DGKG: variants seen among roughly 807,000 people sequenced by gnomAD.
The protein encoded by DGKG is diacylglycerol kinase gamma, also known as DAG kinase gamma.
DGKG carries 78 observed loss-of-function variants against 105.3 expected under a neutral mutation model. The ratio of observed to expected loss-of-function variants is 0.74; its 90% CI spans 0.62 to 0.89. DGKG has a LOEUF of 0.89. Ranked by LOEUF, DGKG falls within the 40% of genes least tolerant of loss-of-function variation. DGKG has a pLI of 0.00. For synonymous variants in DGKG, 346 were observed against 367.1 expected (o/e 0.94, Z 0.66); for missense variants, 958 against 1,020.1 (o/e 0.94, Z 0.83).
chr3:186,260,702 T>G lies in DGKG; in HGVS notation c.1350-189A>C, dbSNP rs531035782. Among the ~76,000 whole-genome samples, 4 of 152,286 alleles carry G rather than the reference T, an allele frequency of 2.6e-5. No homozygotes were observed. In the South Asian group the frequency reaches 8.3e-4, roughly 32 times the overall value. ...AGGTTCCACCTGGCATCACCCGTGT[T>G]ATCACTCCCGGTTCAAGGCTGAACT... On this transcript the variant is annotated intron_variant, in intron 15 of 24. Transcript: ENST00000265022.
At chr3:186,316,722 C>T (rs573609446) in intron 2 of DGKG, among the ~76,000 whole-genome samples, 3 of 152,170 alleles carry the variant, frequency 2.0e-5, no homozygotes, top group African/African-American at 4.8e-5. Context: ...GCCAACTTTA[C>T]ACTATATAAA....
At chr3:186,297,348 AG>A in intron 5 of DGKG, 72 bp downstream of exon 5, 1 of 1,146,612 alleles carries the variant, frequency 8.7e-7, no homozygotes, top group Non-Finnish European at 1.3e-6. Flanking sequence ...ACTGTTGGTT[AG>A]GTTTCCCCAC....
intron 2 of DGKG, among the ~76,000 whole-genome samples, chr3:186,316,062 T>C (rs1724803233): frequency 6.6e-6 from 1 of 152,238 alleles, no homozygotes; most frequent in Non-Finnish European, 1.5e-5. Context: ...AGAAAGAGGT[T>C]CCATGAAGGA....
chr3:186,351,049 G>A (rs1269566399), intron 1 of DGKG, among the ~76,000 whole-genome samples: 3 of 152,124 alleles, frequency 2.0e-5, no homozygotes, highest in African/African-American at 7.2e-5. Flanking sequence ...TGCAGTCTCT[G>A]ATGCTTTACC....
At chr3:186,206,640 A>G (rs1560094872) in intron 21 of DGKG, among the ~76,000 whole-genome samples, 1 of 152,120 alleles carries the variant, frequency 6.6e-6, no homozygotes, top group Non-Finnish European at 1.5e-5. Flanking sequence ...AATGAATATT[A>G]AGAGCCTCTG....
intron 19 of DGKG, 139 bp from the exon 20 acceptor site, chr3:186,242,707 C>G (rs745986075): frequency 3.8e-5 from 25 of 653,366 alleles, no homozygotes; most frequent in Non-Finnish European, 5.9e-5. Context: ...CTCCAGGTCA[C>G]ATCCGCGGAG....
chr3:186,259,721 G>A (rs571793436), intron 16 of DGKG, among the ~76,000 whole-genome samples: 1 of 151,976 alleles, frequency 6.6e-6, no homozygotes, highest in South Asian at 2.1e-4. Context: ...GAGGGCTCTC[G>A]AGCACCGGCC....
intron 21 of DGKG, among the ~76,000 whole-genome samples, chr3:186,206,819 C>T (rs1376765809): frequency 6.6e-6 from 1 of 151,966 alleles, no homozygotes; most frequent in Admixed American, 6.6e-5. Flanking sequence ...GCCTGGTCTC[C>T]ACTCACTGCA....
rs1715694031 is a variant in DGKG at position 186,150,249 on chromosome 3, G to C, written c.2278-61C>G. 1.4e-5 allele frequency: 21 copies of C among 1,548,410 alleles called. 1 individual carries two copies. In the South Asian group the frequency reaches 2.5e-4, roughly 18 times the overall value. On this transcript the variant is annotated intron_variant, in intron 24 of 24. Transcript: ENST00000265022. ...GCAAATCTCAGTAGCCTAAGGGAGAGTGAGTCGCAGAGAAAGGAAAGGCCA... is the reference window on the plus strand; with the variant it reads ...GCAAATCTCAGTAGCCTAAGGGAGACTGAGTCGCAGAGAAAGGAAAGGCCA...
intron 20 of DGKG, among the ~76,000 whole-genome samples, chr3:186,237,084 G>C (rs1024174369): frequency 6.6e-6 from 1 of 152,164 alleles, no homozygotes; most frequent in African/African-American, 2.4e-5. Flanking sequence ...CGGGATTCTT[G>C]GCTCCTCTGC....
rs560203787 is a variant in DGKG at position 186,263,424 on chromosome 3, G to A, written c.1270-1646C>T. ...TCTACTAAAAATACAAAAATTAGCC[G>A]GGTGTAGTGGCGCATGCCTGTAATC... On this transcript the variant is annotated intron_variant, in intron 14 of 24. Transcript: ENST00000265022. Among the ~76,000 whole-genome samples the A allele has an allele frequency of 1.2e-4, 18 of 151,924 alleles. No homozygotes were observed. The South Asian group carries it at 2.5e-3, about 21-fold the overall frequency.
intron 20 of DGKG, among the ~76,000 whole-genome samples, chr3:186,229,959 G>T (rs1187927953): frequency 6.6e-6 from 1 of 152,144 alleles, no homozygotes; most frequent in African/African-American, 2.4e-5. Context: ...GACAGAATGT[G>T]TCAAAAACAC....
Position 186,210,383 on chromosome 3 carries a change from C to T in DGKG, c.1917+1412G>A, listed in dbSNP as rs1289378371. ...CTCAGCTCCCAGCACTGCGTTCACA[C>T]GTCAAGAGAGGAGGACCGGCTTCTC... is the stretch of plus-strand genomic sequence containing the variant. On this transcript the variant is annotated intron_variant, in intron 21 of 24. Transcript: ENST00000265022. The surrounding 1 kb of genome is among the most constrained non-coding windows in gnomAD (Gnocchi z 5.2). Among the ~76,000 whole-genome samples the T allele has an allele frequency of 6.6e-6, 1 of 152,240 alleles. No individual in the cohort carries two copies. The highest frequency in any genetic ancestry group is 2.4e-5 in the African/African-American group (1 of 41,462).
intron 1 of DGKG, among the ~76,000 whole-genome samples, chr3:186,326,347 C>G (rs1232431456): frequency 6.6e-6 from 1 of 151,288 alleles, no homozygotes; most frequent in African/African-American, 2.4e-5. Context: ...TGCAGCGAGC[C>G]GAGATCCTGC....
rs1208396366 is a variant in DGKG at position 186,149,803 on chromosome 3, T to C, written c.*287A>G. ...CTCAGAAAATTCTGCTCAAGGCCTG[T>C]GGGAATGTGGAGGTTGCTGCCTAAG... On this transcript the variant is annotated 3_prime_UTR_variant, in exon 25 of 25. Coordinates refer to ENST00000265022, the MANE Select transcript of DGKG (RefSeq NM_001346.3). 1.8e-6 allele frequency: 2 copies of C among 1,139,626 alleles called. No individual in the cohort carries two copies. Among genetic ancestry groups the C allele is most frequent in the Non-Finnish European group, 2.2e-6 (2 of 927,136 alleles). The allele number at this position is 1,139,626 out of a possible 1,614,324, so 70.6% of individuals were successfully genotyped here.
chr3:186,160,693 T>C, intron 24 of DGKG: 3 of 985,448 alleles, frequency 3.0e-6, no homozygotes, highest in Non-Finnish European at 3.6e-6. Context: ...GAAACTCCAC[T>C]TTTGTCTTTT....
At chr3:186,358,474 T>C (rs1054846418) in intron 1 of DGKG, among the ~76,000 whole-genome samples, 2 of 150,040 alleles carry the variant, frequency 1.3e-5, no homozygotes, top group Admixed American at 6.6e-5. Context: ...GAACAACTCA[T>C]AGCTAGGGCC....
At chr3:186,195,746 C>T (rs73887779) in intron 21 of DGKG, among the ~76,000 whole-genome samples, 2,279 of 152,226 alleles carry the variant, frequency 0.015, 57 homozygotes, top group African/African-American at 0.053. Flanking sequence ...TTGCCAACTG[C>T]ATCTCTGGGG....
Position 186,251,807 on chromosome 3 carries a change from C to G in DGKG, c.1713G>C (p.Gly571=), listed in dbSNP as rs780469191. The change falls in exon 19 of 25, where the codon GGG becomes GGC. Residue 571 remains glycine (G), a synonymous_variant. Transcript: ENST00000265022. Reference sequence around the variant, plus strand: ...TCATGATGCTGTATGGGACCTGGTCCCCGTTTTCCACTTCCTCTCTGGGGA... The same window carrying G: ...TCATGATGCTGTATGGGACCTGGTCGCCGTTTTCCACTTCCTCTCTGGGGA... ...EVIPREEVEN[G]DQVPYSIMNN... is the part of the protein sequence containing the mutation. 2.5e-6 allele frequency: 4 copies of G among 1,614,002 alleles called. No individual in the cohort carries two copies. The East Asian group carries it at 6.7e-5, about 27-fold the overall frequency.
Sources: allele counts gnomAD v4.1 joint callset (sites outside exome capture counted in the v4.1 genomes callset), GRCh38; gene constraint gnomAD v4.1.1; non-coding constraint Gnocchi (gnomAD v3.1); transcripts MANE v1.5; gene names NCBI Gene and HGNC (gene_info 2026-07-23, HGNC 2026-07-21).